Variants in DNAH3 observed in about 807,000 individuals in gnomAD.
The protein encoded by DNAH3 is dynein axonemal heavy chain 3.
In DNAH3, 332 loss-of-function variants were observed where a neutral mutation model predicts 432.5. The observed-to-expected ratio is 0.77, with a 90% CI of 0.70 to 0.84. The LOEUF is 0.84. Ranked by LOEUF, DNAH3 falls within the 40% of genes least tolerant of loss-of-function variation. The pLI is 0.00. For missense variants in DNAH3, 4,861 were observed against 5,114.0 expected (o/e 0.95, Z 1.51); for synonymous variants, 1,956 against 1,900.2 (o/e 1.03, Z -0.76).
intron 57 of DNAH3, among the ~76,000 whole-genome samples, chr16:20,945,316 T>C (rs917809845): frequency 6.6e-6 from 1 of 152,132 alleles, no homozygotes; most frequent in African/African-American, 2.4e-5. Context: ...AGTTGCCCTA[T>C]ATAGTCTAGA....
chr16:21,066,894 T>C (rs909349996), intron 24 of DNAH3, among the ~76,000 whole-genome samples: 9 of 152,192 alleles, frequency 5.9e-5, no homozygotes, highest in African/African-American at 1.9e-4. Context: ...CATTATTATA[T>C]CCCAAATTTA....
chr16:21,124,645 CT>C (rs11352383), intron 9 of DNAH3, among the ~76,000 whole-genome samples: 39,428 of 146,212 alleles, frequency 0.27, 5,032 homozygotes, highest in East Asian at 0.32. Flanking sequence ...CAAACATTTA[CT>C]TTTTTTTTTT....
At chr16:20,997,087 C>T (rs370579646) in intron 44 of DNAH3, 196 bp downstream of exon 44, 1 of 563,008 alleles carries the variant, frequency 1.8e-6, no homozygotes, top group Non-Finnish European at 3.1e-6. Flanking sequence ...ACACTCCTCA[C>T]ATCTTCTTGC....
rs1364740999 is a variant in DNAH3 at position 21,062,464 on chromosome 16, A to T, written c.3720+18T>A. 1.2e-6 allele frequency: 2 copies of T among 1,611,646 alleles called. No homozygotes were observed. ...TCTGTTATGGAGAAAAGAACCAAAA[A>T]TGGGTAAGAGGAGTTACCTTGGCAT... On this transcript the variant is annotated intron_variant, in intron 25 of 61. Transcript: ENST00000261383.
chr16:21,122,149 A>C (rs2092356872), intron 9 of DNAH3, 25 bp from the exon 11 acceptor site: 1 of 1,578,622 alleles, frequency 6.3e-7, no homozygotes, highest in South Asian at 1.2e-5. Flanking sequence ...AGGTAGGGCA[A>C]GCGTTACAAA....
intron 60 of DNAH3, 68 bp from the exon 61 acceptor site, chr16:20,935,553 G>GT: frequency 3.3e-6 from 5 of 1,529,786 alleles, no homozygotes; most frequent in Non-Finnish European, 2.7e-6. Context: ...TGCAAGTAAT[G>GT]TAACGAGTAC....
At chr16:21,084,155 T>A (rs2091287431) in intron 19 of DNAH3, among the ~76,000 whole-genome samples, 1 of 152,030 alleles carries the variant, frequency 6.6e-6, no homozygotes, top group African/African-American at 2.4e-5. Context: ...AGTTTTCCAA[T>A]CCGTGAAATG....
At chr16:20,968,816 C>T (rs1340257091) in intron 52 of DNAH3, among the ~76,000 whole-genome samples, 1 of 151,138 alleles carries the variant, frequency 6.6e-6, no homozygotes, top group African/African-American at 2.4e-5. Context: ...TCTCTGTCTT[C>T]GTGTGAGTGT....
At position 21,141,174 on chromosome 16, in the gene DNAH3, G is replaced by A. The variant is rs188300794; in HGVS notation, c.521+126C>T. 743 of 724,300 alleles carry A rather than the reference G, an allele frequency of 1.0e-3. 2 individuals are homozygous for A. The African/African-American group carries it at 0.012, about 11-fold the overall frequency. The allele number at this position is 724,300 out of a possible 1,614,324, so 44.9% of individuals were successfully genotyped here. A position where few individuals can be genotyped will look rare whatever the true frequency, so the allele number is the denominator to read the frequency against. On this transcript the variant is annotated intron_variant, in intron 4 of 61. Transcript: ENST00000261383. ...ATTTTTTTTTTGATTAAAGTGATTC[G>A]TGGATAAGAATATGATTATCTGGGA...
At chr16:20,964,584 T>C (rs752094864) in exon 53 of DNAH3, 2 of 1,614,114 alleles carry the variant, frequency 1.2e-6, no homozygotes, top group Non-Finnish European at 1.7e-6. Flanking sequence ...TGACAGCCAG[T>C]TTATTCGCCT....
At chr16:21,126,127 G>A (rs2092441086) in intron 8 of DNAH3, among the ~76,000 whole-genome samples, 1 of 152,188 alleles carries the variant, frequency 6.6e-6, no homozygotes, top group Non-Finnish European at 1.5e-5. Flanking sequence ...TTGTGCCACT[G>A]CACTCCAACT....
At chr16:21,091,056 G>A (rs1054773611) in intron 18 of DNAH3, among the ~76,000 whole-genome samples, 4 of 152,220 alleles carry the variant, frequency 2.6e-5, no homozygotes, top group South Asian at 4.1e-4. Flanking sequence ...AGGAGGTTGA[G>A]GTGGGAGGAT....
chr16:21,145,482 G>C (rs575487553), intron 2 of DNAH3, 76 bp from the exon 4 acceptor site: 316 of 1,306,684 alleles, frequency 2.4e-4, no homozygotes, highest in Non-Finnish European at 3.2e-4. Context: ...TCACACTGAG[G>C]CTCACAAGAG....
exon 18 of DNAH3, chr16:21,097,383 G>A (rs2152791452): frequency 6.2e-7 from 1 of 1,613,928 alleles, no homozygotes; most frequent in African/African-American, 1.3e-5. Flanking sequence ...ACTTGATGCT[G>A]AACTCATAGG....
At chr16:20,999,846 A>C (rs971039687) in intron 43 of DNAH3, among the ~76,000 whole-genome samples, 1 of 152,212 alleles carries the variant, frequency 6.6e-6, no homozygotes, top group African/African-American at 2.4e-5. Flanking sequence ...TATCTGACAG[A>C]AAATGGAATA....
chr16:21,071,595 A>G (rs2090784277), intron 21 of DNAH3, among the ~76,000 whole-genome samples: 1 of 152,072 alleles, frequency 6.6e-6, no homozygotes, highest in Non-Finnish European at 1.5e-5. Context: ...AAATGTTATT[A>G]AAGATATTTA....
exon 40 of DNAH3, chr16:21,021,990 T>C: frequency 6.2e-7 from 1 of 1,613,614 alleles, no homozygotes; most frequent in Non-Finnish European, 8.5e-7. Flanking sequence ...AAGAGTACAG[T>C]CTCATCATTG....
At chr16:21,128,668 T>TG (rs1293208614) in intron 7 of DNAH3, among the ~76,000 whole-genome samples, 1 of 145,768 alleles carries the variant, frequency 6.9e-6, no homozygotes, top group Non-Finnish European at 1.5e-5. Flanking sequence ...CACTCCAGCC[T>TG]GGGGGACAGA....
chr16:21,111,050 T>C (rs2092058998), intron 14 of DNAH3, among the ~76,000 whole-genome samples: 1 of 152,034 alleles, frequency 6.6e-6, no homozygotes, highest in South Asian at 2.1e-4. Context: ...GCCATGATGG[T>C]GGATGCCTAT....
Sources: gnomAD v4.1 joint callset for allele counts (sites outside exome capture counted in the v4.1 genomes callset) on GRCh38, gnomAD v4.1.1 for gene constraint, MANE v1.5 for transcripts, NCBI Gene and HGNC (gene_info 2026-07-23, HGNC 2026-07-21) for gene names.